GPI: variants seen among roughly 807,000 people sequenced by gnomAD.
The protein encoded by GPI is glucose-6-phosphate isomerase, also known as D-hexose-6-phosphate anomerase.
GPI carries 56 observed loss-of-function variants against 75.8 expected under a neutral mutation model. That is an observed-to-expected ratio of 0.74 (90% CI 0.60 to 0.92). The LOEUF (loss-of-function observed/expected upper bound fraction) is 0.92, where lower values mean the gene tolerates loss of function less well. GPI is among the 40% of genes least tolerant of loss of function. The pLI is 0.00. For synonymous variants in GPI, 288 were observed against 285.4 expected (o/e 1.01, Z -0.09); for missense variants, 638 against 741.0 (o/e 0.86, Z 1.61).
chr19:34,393,877 A>C lies in GPI; in HGVS notation c.910-37A>C, dbSNP rs1351122549. 1.2e-6 allele frequency: 2 copies of C among 1,611,844 alleles called. No homozygotes were observed. The highest frequency in any genetic ancestry group is 2.2e-5 in the South Asian group (2 of 91,006). On this transcript the variant is annotated intron_variant, in intron 11 of 17. Transcript: ENST00000356487. The surrounding 1 kb of genome is among the most constrained non-coding windows in gnomAD (Gnocchi z 4.4). ...TGTCCTGTCCCTCCCCTCCCCGTGC[A>C]GCTGCTCAGCTCCCACTCATCCTGC...
Position 34,393,097 on chromosome 19 carries a change from C to T in GPI, c.805-151C>T, listed in dbSNP as rs1397106700. 8.5e-6 allele frequency: 6 copies of T among 704,124 alleles called. No homozygotes were observed. Among genetic ancestry groups the T allele is most frequent in the African/African-American group, 1.7e-5 (1 of 57,232 alleles). The allele number at this position is 704,124 out of a possible 1,614,324, so 43.6% of individuals were successfully genotyped here. A position where few individuals can be genotyped will look rare whatever the true frequency, so the allele number is the denominator to read the frequency against. On this transcript the variant is annotated intron_variant, in intron 9 of 17. Transcript: ENST00000356487. The surrounding 1 kb of genome is among the most constrained non-coding windows in gnomAD (Gnocchi z 4.4). ...CCCTGTTGGTCTTCCCATGTGTTGC[C>T]AGCACCTGCCTGCTGCCTTGCTTCC...
At chr19:34,395,257 G>C (rs1382925596) in intron 12 of GPI, among the ~76,000 whole-genome samples, 1 of 152,064 alleles carries the variant, frequency 6.6e-6, no homozygotes, top group African/African-American at 2.4e-5. Flanking sequence ...AGCCAGGCAT[G>C]GTGGCTGATG....
At chr19:34,387,458 C>T (rs1290804296) in intron 9 of GPI, among the ~76,000 whole-genome samples, 4 of 150,630 alleles carry the variant, frequency 2.7e-5, no homozygotes, top group African/African-American at 9.8e-5. Flanking sequence ...CTGGTGTTGT[C>T]GTGAGTCTGT....
rs771510985 is a variant in GPI, at chr19:34,399,964, G to A, written c.1605G>A (p.Val535=). The A allele has an allele frequency of 1.2e-6, 2 of 1,613,794 alleles. No individual in the cohort carries two copies. Among genetic ancestry groups the A allele is most frequent in the South Asian group, 2.2e-5 (2 of 91,062 alleles). The change falls in exon 18 of 18, where the codon GTG becomes GTA. Residue 535 remains valine (V), a synonymous_variant. Coordinates refer to ENST00000356487, the MANE Select transcript of GPI (RefSeq NM_000175.5). ...IEPELDGSAQ[V]TSHDASTNGL... ...CTGAGCTTGATGGCAGTGCTCAAGT[G>A]ACCTCTCACGACGCTTCTACCAATG...
intron 4 of GPI, among the ~76,000 whole-genome samples, chr19:34,371,496 A>G (rs1233905866): frequency 6.6e-6 from 1 of 152,118 alleles, no homozygotes; most frequent in African/African-American, 2.4e-5. Flanking sequence ...AAGTTGCAGA[A>G]TTGGTGGGTA....
upstream of GPI, among the ~76,000 whole-genome samples, chr19:34,361,556 A>G (rs1159897915): frequency 1.3e-5 from 2 of 152,108 alleles, no homozygotes; most frequent in Non-Finnish European, 2.9e-5. Flanking sequence ...ATGATGATGA[A>G]TGGCTTTGGA....
chr19:34,364,461 C>T (rs2074324663), upstream of GPI, among the ~76,000 whole-genome samples: 1 of 151,434 alleles, frequency 6.6e-6, no homozygotes, highest in African/African-American at 2.4e-5. Context: ...GTCTTCACCT[C>T]CCAGGTTCAA....
chr19:34,367,310 C>G (rs1161320944), intron 3 of GPI: 1 of 312,678 alleles, frequency 3.2e-6, no homozygotes, highest in Admixed American at 4.2e-5. Context: ...GTATAATGGA[C>G]ACTGAGCACC....
Position 34,378,149 on chromosome 19 carries a change from ACTG to A in GPI, c.633+271_633+273del, listed in dbSNP as rs1314842467. 5.3e-5 allele frequency among the ~76,000 whole-genome samples: 8 copies of A among 152,218 alleles called. No homozygotes were observed. In the East Asian group the frequency reaches 1.4e-3, roughly 26 times the overall value. On this transcript the variant is annotated intron_variant, in intron 6 of 17. Transcript: ENST00000356487. Reference sequence around the variant, plus strand: ...TTGCGGCATCTCTGCTCAGCCTGGGACTGCTCGCCACTTTCTTACAAACCTGTC... The same window carrying A: ...TTGCGGCATCTCTGCTCAGCCTGGGACTCGCCACTTTCTTACAAACCTGTC...
At position 34,381,528 on chromosome 19, in the gene GPI, A is replaced by G. The variant is rs535139392; in HGVS notation, c.804+9A>G. 2 of 1,585,346 alleles carry G rather than the reference A, an allele frequency of 1.3e-6. No individual in the cohort carries two copies. Among genetic ancestry groups the G allele is most frequent in the South Asian group, 2.2e-5 (2 of 90,418 alleles). ...TGTTCGAGTTCTGGGATGTAAGTAC[A>G]AGCACTTCTGCACTGGGTGAATTAA... On this transcript the variant is annotated intron_variant, in intron 9 of 17. Transcript: ENST00000356487.
At position 34,368,663 on chromosome 19, in the gene GPI, G is replaced by A; in HGVS notation, c.363G>A (p.Glu121=). Residue 121 remains glutamate (E), a synonymous_variant, in exon 4 of 18, where the codon GAG becomes GAA. Coordinates refer to ENST00000356487, the MANE Select transcript of GPI (RefSeq NM_000175.5). ...ILVDGKDVMP[E]VNKVLDKMKS... ...TAGACGGCAAGGATGTGATGCCAGA[G>A]GTCAACAAGGTTCTGGACAAGATGA... 8.1e-6 allele frequency: 13 copies of A among 1,614,178 alleles called. No homozygotes were observed. Among genetic ancestry groups the A allele is most frequent in the Non-Finnish European group, 1.1e-5 (13 of 1,180,004 alleles).
At position 34,372,924 on chromosome 19, in the gene GPI, C is replaced by T. The variant is rs371381810; in HGVS notation, c.402+4222C>T. On this transcript the variant is annotated intron_variant, in intron 4 of 17. Transcript: ENST00000356487. ...GAGTAGCTGGGATTACAGGTACCTG[C>T]CACCACACCCAGCTAATTTTTGTGT... Among the ~76,000 whole-genome samples, 108 of 152,182 alleles carry T rather than the reference C, an allele frequency of 7.1e-4. 1 individual carries two copies. The East Asian group carries it at 0.02, about 29-fold the overall frequency.
upstream of GPI, among the ~76,000 whole-genome samples, chr19:34,360,851 C>G (rs748316924): frequency 1.3e-4 from 19 of 151,060 alleles, no homozygotes; most frequent in Non-Finnish European, 2.1e-4. Flanking sequence ...GATCTTGGCT[C>G]GCTGCAACCT....
At chr19:34,365,411 G>A in intron 1 of GPI, 23 bp downstream of exon 1, 1 of 1,558,492 alleles carries the variant, frequency 6.4e-7, no homozygotes. Flanking sequence ...CGGAGGCGGG[G>A]GCTGCCACGC....
intron 9 of GPI, among the ~76,000 whole-genome samples, chr19:34,391,259 G>A (rs369757335): frequency 7.5e-6 from 1 of 132,782 alleles, no homozygotes; most frequent in Admixed American, 7.5e-5. Flanking sequence ...TCGGGTCCTG[G>A]TATGAGGATC....
At position 34,369,037 on chromosome 19, in the gene GPI, G is replaced by A. The variant is rs529271955; in HGVS notation, c.402+335G>A. ...GAGACAGGACAGTCAGGAAAGGAAGGAGCTTTTTCTTTTTTCTTTTTTTTT... is the reference window on the plus strand; with the variant it reads ...GAGACAGGACAGTCAGGAAAGGAAGAAGCTTTTTCTTTTTTCTTTTTTTTT... On this transcript the variant is annotated intron_variant, in intron 4 of 17. Transcript: ENST00000356487. Among the ~76,000 whole-genome samples the A allele has an allele frequency of 2.8e-4, 43 of 152,066 alleles. 1 individual carries two copies. In the South Asian group the frequency reaches 8.1e-3, roughly 29 times the overall value.
rs1233755775 is a variant in GPI, at chr19:34,377,358, T to TATATATATAC, written c.403-145_403-144insATATATATAC. On this transcript the variant is annotated intron_variant, in intron 4 of 17. Transcript: ENST00000356487. ...AAAAATATATATATATATATATATA[T>TATATATATAC]GGTAAATTAAAAACAAAAAAATAGA... 4 of 299,710 alleles carry TATATATATAC rather than the reference T, an allele frequency of 1.3e-5. No homozygotes were observed. The African/African-American group carries it at 1.4e-4, about 10-fold the overall frequency. 18.6% of individuals were successfully genotyped at this position (299,710 alleles called of 1,614,324 possible).
At chr19:34,396,233 C>T in intron 12 of GPI, 68 bp from the exon 13 acceptor site, 16 of 1,578,252 alleles carry the variant, frequency 1.0e-5, no homozygotes, top group Non-Finnish European at 1.4e-5. Context: ...CCACTGCGCT[C>T]AGCCTCTTTC....
In GPI at chr19:34,383,106, C is replaced by T. The variant is rs914895644; in HGVS notation, c.804+1587C>T. Among the ~76,000 whole-genome samples the T allele has an allele frequency of 4.6e-5, 7 of 152,156 alleles. No individual in the cohort carries two copies. The South Asian group carries it at 8.3e-4, about 18-fold the overall frequency. Reference sequence around the variant, plus strand: ...TATGTAGAAGAGGTAATTCTTGGTCCGCCAGGGCCAGTTTTGCGGCAGCCA... The same window carrying T: ...TATGTAGAAGAGGTAATTCTTGGTCTGCCAGGGCCAGTTTTGCGGCAGCCA... On this transcript the variant is annotated intron_variant, in intron 9 of 17. Transcript: ENST00000356487.
Sources: allele counts gnomAD v4.1 joint callset (sites outside exome capture counted in the v4.1 genomes callset), GRCh38; gene constraint gnomAD v4.1.1; non-coding constraint Gnocchi (gnomAD v3.1); transcripts MANE v1.5; gene names NCBI Gene and HGNC (gene_info 2026-07-23, HGNC 2026-07-21).